GMDS: variants seen among roughly 807,000 people sequenced by gnomAD.
The protein encoded by GMDS is GDP-mannose 4,6-dehydratase.
In GMDS, 20 loss-of-function variants were observed where a neutral mutation model predicts 49.9. The ratio of observed to expected loss-of-function variants is 0.40; its 90% confidence interval spans 0.28 to 0.58. The LOEUF is 0.58. GMDS is among the 20% of genes least tolerant of loss of function. The probability of loss-of-function intolerance (pLI) is 0.42; values close to 1 mark genes in which losing one functional copy is unlikely to be tolerated. For synonymous variants in GMDS, 177 were observed against 178.6 expected (o/e 0.99, Z 0.07); for missense variants, 362 against 481.4 (o/e 0.75, Z 2.32).
intron 1 of GMDS, among the ~76,000 whole-genome samples, chr6:2,175,183 A>G (rs886466140): frequency 6.6e-6 from 1 of 151,970 alleles, no homozygotes; most frequent in Non-Finnish European, 1.5e-5. Context: ...TTGAAAAAGG[A>G]GATGTTTTAT....
At chr6:2,001,271 T>C (rs1046914644) in intron 4 of GMDS, among the ~76,000 whole-genome samples, 2 of 152,218 alleles carry the variant, frequency 1.3e-5, no homozygotes, top group South Asian at 4.1e-4. Context: ...CACATGCTTA[T>C]TGGTCATTTG....
At chr6:1,884,240 C>G (rs1186119608) in intron 7 of GMDS, among the ~76,000 whole-genome samples, 1 of 152,200 alleles carries the variant, frequency 6.6e-6, no homozygotes, top group African/African-American at 2.4e-5. Flanking sequence ...GAGAACTTCC[C>G]TTGGGAGAAT....
At chr6:1,653,696 G>A (rs1412400166) in intron 9 of GMDS, among the ~76,000 whole-genome samples, 6 of 152,150 alleles carry the variant, frequency 3.9e-5, no homozygotes, top group Non-Finnish European at 5.9e-5. Flanking sequence ...ACCACACTAC[G>A]GGGAAAGAAC....
intron 7 of GMDS, among the ~76,000 whole-genome samples, chr6:1,759,638 A>G (rs1768085596): frequency 6.6e-6 from 1 of 152,200 alleles, no homozygotes; most frequent in African/African-American, 2.4e-5. Flanking sequence ...CCACGTAGGA[A>G]CAGACAGGGA....
intron 7 of GMDS, among the ~76,000 whole-genome samples, chr6:1,881,809 G>A (rs1399822501): frequency 6.6e-6 from 1 of 152,190 alleles, no homozygotes; most frequent in Admixed American, 6.6e-5. Context: ...ACAGCAGGAT[G>A]AAGCAAAAGA....
intron 6 of GMDS, among the ~76,000 whole-genome samples, chr6:1,947,311 C>T (rs917514303): frequency 3.9e-5 from 6 of 152,164 alleles, no homozygotes; most frequent in African/African-American, 1.4e-4. Flanking sequence ...ATCAGTGTTC[C>T]TCTGAGAAAC....
intron 9 of GMDS, among the ~76,000 whole-genome samples, chr6:1,712,357 A>G (rs1766002572): frequency 6.6e-6 from 1 of 152,240 alleles, no homozygotes; most frequent in Non-Finnish European, 1.5e-5. Context: ...GGAAGCTGAG[A>G]TGACGTGTAA....
At chr6:1,673,651 C>G (rs75562863) in intron 9 of GMDS, among the ~76,000 whole-genome samples, 4,513 of 152,136 alleles carry the variant, frequency 0.03, 201 homozygotes, top group African/African-American at 0.1. Context: ...ATTACTATAT[C>G]ATATAGAATA....
chr6:1,788,517 T>C (rs1156888928), intron 7 of GMDS, among the ~76,000 whole-genome samples: 1 of 152,066 alleles, frequency 6.6e-6, no homozygotes. Flanking sequence ...AAGAAAGAGG[T>C]AGTTTCTGAT....
intron 1 of GMDS, among the ~76,000 whole-genome samples, chr6:2,145,998 G>T (rs1776539903): frequency 6.6e-6 from 1 of 152,226 alleles, no homozygotes; most frequent in African/African-American, 2.4e-5. Context: ...GCAAGTGCAT[G>T]GGCAGGTATG....
chr6:1,864,847 G>GA (rs566787228), intron 7 of GMDS, among the ~76,000 whole-genome samples: 144 of 152,282 alleles, frequency 9.5e-4, no homozygotes, highest in African/African-American at 3.4e-3. Flanking sequence ...CCAAAGCAGA[G>GA]AAAGACCCCA....
chr6:1,939,953 G>A (rs1232463082), intron 6 of GMDS, among the ~76,000 whole-genome samples: 1 of 151,738 alleles, frequency 6.6e-6, no homozygotes, highest in African/African-American at 2.4e-5. Context: ...GTCCTACTAG[G>A]GACAGTTCTA....
intron 2 of GMDS, among the ~76,000 whole-genome samples, chr6:2,119,456 A>G (rs1775021363): frequency 6.6e-6 from 1 of 152,186 alleles, no homozygotes; most frequent in African/African-American, 2.4e-5. Flanking sequence ...ACAGGGAAAG[A>G]AAGACCTGCC....
At chr6:2,025,365 TGTGTGTGTGTGTG>T (rs1768527508) in intron 4 of GMDS, among the ~76,000 whole-genome samples, 1 of 41,274 alleles carries the variant, frequency 2.4e-5, no homozygotes, top group South Asian at 1.0e-3. Context: ...GGGGTGTGTG[TGTGTGTGTGTGTG>T]TGTGTGTGTG....
chr6:2,185,449 C>G (rs1778737122), intron 1 of GMDS, among the ~76,000 whole-genome samples: 1 of 152,160 alleles, frequency 6.6e-6, no homozygotes, highest in Admixed American at 6.5e-5. Context: ...ATAATTACTT[C>G]TAAATTGGTA....
chr6:2,076,257 T>C (rs1398596889), intron 4 of GMDS, among the ~76,000 whole-genome samples: 4 of 152,256 alleles, frequency 2.6e-5, no homozygotes, highest in South Asian at 2.1e-4. Flanking sequence ...TTTAGATTAA[T>C]TAGATCCCAT....
At chr6:2,039,493 T>C (rs546974913) in intron 4 of GMDS, among the ~76,000 whole-genome samples, 48 of 152,326 alleles carry the variant, frequency 3.2e-4, no homozygotes, top group Middle Eastern at 3.4e-3. Context: ...TAATATTACA[T>C]AGCTGAAAAT....
intron 4 of GMDS, among the ~76,000 whole-genome samples, chr6:2,056,150 C>G (rs2127442022): frequency 6.6e-6 from 1 of 152,210 alleles, no homozygotes; most frequent in South Asian, 2.1e-4. Context: ...TCTCCTGATT[C>G]CAGAGGTAAT....
chr6:1,948,134 G>A (rs1243083660), intron 6 of GMDS, among the ~76,000 whole-genome samples: 1 of 152,148 alleles, frequency 6.6e-6, no homozygotes, highest in Non-Finnish European at 1.5e-5. Flanking sequence ...CTGAGACTCA[G>A]AGAGATTGAG....
Sources: gnomAD v4.1 joint callset for allele counts (sites outside exome capture counted in the v4.1 genomes callset) on GRCh38, gnomAD v4.1.1 for gene constraint, MANE v1.5 for transcripts, NCBI Gene and HGNC (gene_info 2026-07-23, HGNC 2026-07-21) for gene names.